GRIK3: variants seen among roughly 807,000 people sequenced by gnomAD.
The protein encoded by GRIK3 is glutamate receptor ionotropic, kainate 3.
GRIK3 carries 29 observed loss-of-function variants against 102.5 expected under a neutral mutation model. The observed-to-expected ratio is 0.28, with a 90% CI of 0.21 to 0.39. The LOEUF (loss-of-function observed/expected upper bound fraction) is 0.39, where lower values mean the gene tolerates loss of function less well. GRIK3 is among the 10% of genes least tolerant of loss of function. The pLI, the probability that GRIK3 is intolerant of heterozygous loss-of-function variation, is 1.00. For synonymous variants in GRIK3, 511 were observed against 504.9 expected (o/e 1.01, Z -0.16); for missense variants, 908 against 1,252.4 (o/e 0.73, Z 4.15).
chr1:36,979,583 G>A (rs1642229280), intron 1 of GRIK3, among the ~76,000 whole-genome samples: 1 of 152,246 alleles, frequency 6.6e-6, no homozygotes, highest in African/African-American at 2.4e-5. Flanking sequence ...ATGATTGGGT[G>A]AAGGGAGAGG....
intron 1 of GRIK3, among the ~76,000 whole-genome samples, chr1:36,985,935 T>C (rs996582581): frequency 5.9e-5 from 9 of 151,958 alleles, no homozygotes; most frequent in African/African-American, 2.2e-4. Flanking sequence ...TCCCTCCCCC[T>C]CCTCCTCACT....
intron 7 of GRIK3, among the ~76,000 whole-genome samples, chr1:36,856,410 A>G (rs183544314): frequency 5.7e-4 from 87 of 152,366 alleles, no homozygotes; most frequent in African/African-American, 2.0e-3. Context: ...GCCACCGCTC[A>G]GGACTTGCTA....
chr1:36,802,673 G>A (rs1309319379), intron 15 of GRIK3, among the ~76,000 whole-genome samples: 1 of 152,178 alleles, frequency 6.6e-6, no homozygotes, highest in Admixed American at 6.5e-5. Context: ...CAAGAGCGCA[G>A]CGTTTCCCGC....
Position 36,891,051 on chromosome 1 carries a change from T to C in GRIK3, c.161A>G (p.Asn54Ser), listed in dbSNP as rs1388904390. 6.2e-7 allele frequency: 1 copy of C among 1,613,868 alleles called. No homozygotes were observed. Among genetic ancestry groups the C allele is most frequent in the Non-Finnish European group, 8.5e-7 (1 of 1,179,912 alleles). The part of the protein sequence containing the change: ...YADGPNAQVM[N>S]AEEHAFRFSA... ...AAATCGAAAGGCATGCTCCTCGGCA[T>C]TCATGACCTGGGCGTTGGGGCCGTC... The change falls in exon 2 of 16, where the codon AAT becomes AGT. Residue 54 changes from asparagine (N) to serine (S), a missense_variant. Asn to Ser is a conservative substitution (Grantham distance 46). Around this residue, in one of 3 missense-constraint regions of GRIK3, gnomAD observed 585 missense variants for 824.9 expected, o/e 0.71. Coordinates refer to ENST00000373091, the MANE Select transcript of GRIK3 (RefSeq NM_000831.4).
At chr1:36,886,291 C>G (rs918823215) in intron 2 of GRIK3, among the ~76,000 whole-genome samples, 2 of 152,124 alleles carry the variant, frequency 1.3e-5, no homozygotes, top group South Asian at 2.1e-4. Context: ...CCACAGGGCC[C>G]GAGGTGGCTG....
At chr1:36,834,235 T>G (rs1640345689) in intron 10 of GRIK3, among the ~76,000 whole-genome samples, 1 of 152,214 alleles carries the variant, frequency 6.6e-6, no homozygotes, top group African/African-American at 2.4e-5. Flanking sequence ...CAGAAATGAA[T>G]AAATCAGTCA....
chr1:36,869,864 CA>C (rs1640823769), intron 4 of GRIK3, 63 bp from the exon 5 acceptor site: 8 of 1,200,766 alleles, frequency 6.7e-6, no homozygotes, highest in Non-Finnish European at 9.9e-6. Flanking sequence ...CCCACATCCC[CA>C]CCCAGGGCTG....
chr1:36,886,880 T>C (rs952959082), intron 2 of GRIK3, among the ~76,000 whole-genome samples: 2 of 152,206 alleles, frequency 1.3e-5, no homozygotes, highest in Admixed American at 1.3e-4. Context: ...TTTCTTTCAC[T>C]CAATACTATA....
At chr1:36,840,674 CT>C (rs780534090) in intron 10 of GRIK3, among the ~76,000 whole-genome samples, 2 of 151,978 alleles carry the variant, frequency 1.3e-5, no homozygotes, top group Non-Finnish European at 2.9e-5. Context: ...CTACAGTGAG[CT>C]GTGATGGCAC....
intron 7 of GRIK3, 108 bp from the exon 8 acceptor site, chr1:36,853,830 C>A: frequency 1.5e-6 from 1 of 688,740 alleles, no homozygotes; most frequent in Non-Finnish European, 2.7e-6. Flanking sequence ...ATACTGTTCC[C>A]CCAAGACCAT....
At chr1:36,895,817 T>C (rs1206272518) in intron 1 of GRIK3, among the ~76,000 whole-genome samples, 1 of 151,856 alleles carries the variant, frequency 6.6e-6, no homozygotes, top group Non-Finnish European at 1.5e-5. Context: ...AAAATGACAC[T>C]GAGGCATATC....
At chr1:37,018,228 T>C (rs1359312799) in intron 1 of GRIK3, among the ~76,000 whole-genome samples, 1 of 152,192 alleles carries the variant, frequency 6.6e-6, no homozygotes, top group African/African-American at 2.4e-5. Context: ...TACTGCACGG[T>C]GGGCAAAACA....
At chr1:36,855,225 C>T (rs1368603926) in intron 7 of GRIK3, among the ~76,000 whole-genome samples, 3 of 152,132 alleles carry the variant, frequency 2.0e-5, no homozygotes, top group Non-Finnish European at 4.4e-5. Context: ...AGCCTGGCTC[C>T]CAGTCCTTGC....
In GRIK3 at chr1:37,024,445, C is replaced by CTATTATTATTATTAT. The variant is rs10630686; in HGVS notation, c.115+9534_115+9548dup. Among the ~76,000 whole-genome samples the CTATTATTATTATTAT allele has an allele frequency of 4.3e-3, 629 of 145,648 alleles. 6 individuals are homozygous for CTATTATTATTATTAT. The highest frequency in any genetic ancestry group is 8.7e-3 in the South Asian group (39 of 4,508). ...CAAAAACCCTGTGAGGCAGGTACAA[C>CTATTATTATTATTAT]TATTATTATTATTATTATTATTATT... On this transcript the variant is annotated intron_variant, in intron 1 of 15. Transcript: ENST00000373091.
chr1:37,021,019 G>T (rs1642705523), intron 1 of GRIK3, among the ~76,000 whole-genome samples: 2 of 151,672 alleles, frequency 1.3e-5, no homozygotes, highest in African/African-American at 2.4e-5. Flanking sequence ...TCACAGGTTG[G>T]TTTTTCCACA....
intron 1 of GRIK3, among the ~76,000 whole-genome samples, chr1:37,025,480 C>T (rs1209437865): frequency 6.6e-6 from 1 of 152,196 alleles, no homozygotes; most frequent in Non-Finnish European, 1.5e-5. Context: ...TAGAATGACC[C>T]CCGGGGTCTT....
intron 2 of GRIK3, among the ~76,000 whole-genome samples, chr1:36,881,168 A>G (rs2124263464): frequency 6.6e-6 from 1 of 152,274 alleles, no homozygotes; most frequent in South Asian, 2.1e-4. Flanking sequence ...AGTGCCCATG[A>G]CAAAAGTGAT....
chr1:36,931,722 G>A (rs1035099286), intron 1 of GRIK3, among the ~76,000 whole-genome samples: 10 of 152,180 alleles, frequency 6.6e-5, no homozygotes, highest in African/African-American at 2.2e-4. Context: ...AGGACTAGAT[G>A]AGAGCTTCTC....
chr1:36,859,823 C>G, intron 6 of GRIK3, 21 bp downstream of exon 6: 2 of 1,602,398 alleles, frequency 1.2e-6, no homozygotes, highest in Non-Finnish European at 1.7e-6. Flanking sequence ...CCCTGGAATT[C>G]ACCTCACCCA....
Sources: gnomAD v4.1 joint callset for allele counts (sites outside exome capture counted in the v4.1 genomes callset) on GRCh38, gnomAD v4.1.1 for gene constraint, gnomAD v4.1.1 regional missense constraint, MANE v1.5 for transcripts, NCBI Gene and HGNC (gene_info 2026-07-23, HGNC 2026-07-21) for gene names.